JAZF1: variants seen among roughly 807,000 people sequenced by gnomAD.
The protein encoded by JAZF1 is juxtaposed with another zinc finger protein 1.
A neutral mutation model predicts 26.4 loss-of-function variants in JAZF1; 8 were observed. The observed-to-expected ratio is 0.30, with a 90% CI of 0.18 to 0.55. JAZF1 has a LOEUF of 0.55. JAZF1 is among the 20% of genes least tolerant of loss of function. JAZF1 has a pLI of 0.94. For missense variants in JAZF1, 199 were observed against 322.0 expected (o/e 0.62, Z 2.92); for synonymous variants, 126 against 122.3 (o/e 1.03, Z -0.20).
chr7:28,143,111 G>A (rs1224773835), intron 1 of JAZF1, among the ~76,000 whole-genome samples: 1 of 152,086 alleles, frequency 6.6e-6, no homozygotes, highest in Non-Finnish European at 1.5e-5. Context: ...AACCCTCTGG[G>A]TCTAGTCTCA....
intron 2 of JAZF1, among the ~76,000 whole-genome samples, chr7:27,908,961 A>G (rs1347522254): frequency 6.6e-6 from 1 of 152,140 alleles, no homozygotes; most frequent in East Asian, 1.9e-4. Flanking sequence ...GAATATGTTC[A>G]GGTATTATTA....
chr7:27,873,424 T>C (rs1260988138), intron 3 of JAZF1, among the ~76,000 whole-genome samples: 6 of 152,184 alleles, frequency 3.9e-5, no homozygotes, highest in African/African-American at 1.4e-4. Context: ...GGTCCTTATA[T>C]CTATGCATAT....
chr7:28,040,928 T>G (rs928737575), intron 1 of JAZF1, among the ~76,000 whole-genome samples: 2 of 152,098 alleles, frequency 1.3e-5, no homozygotes, highest in Admixed American at 6.6e-5. Context: ...AAATTCAACA[T>G]AGCAGACACT....
intron 4 of JAZF1, among the ~76,000 whole-genome samples, chr7:27,835,227 C>T (rs557610638): frequency 1.3e-3 from 200 of 152,248 alleles, no homozygotes; most frequent in African/African-American, 4.2e-3. Context: ...CAAAAAGGCA[C>T]AGCAACTCTT....
chr7:27,930,639 T>C (rs1188292032), intron 2 of JAZF1, among the ~76,000 whole-genome samples: 1 of 152,210 alleles, frequency 6.6e-6, no homozygotes, highest in Non-Finnish European at 1.5e-5. Flanking sequence ...AAGACTAAAC[T>C]TTTCTTCATG....
intron 1 of JAZF1, among the ~76,000 whole-genome samples, chr7:28,178,627 T>C (rs1401092014): frequency 2.0e-5 from 3 of 152,212 alleles, no homozygotes; most frequent in Non-Finnish European, 2.9e-5. Context: ...AACTTCACAG[T>C]ACCGGTGTTT....
chr7:28,076,845 G>T (rs1050862289), intron 1 of JAZF1, among the ~76,000 whole-genome samples: 9 of 152,016 alleles, frequency 5.9e-5, no homozygotes, highest in African/African-American at 2.2e-4. Flanking sequence ...AATTTTTCCA[G>T]GTAGATCATA....
intron 3 of JAZF1, among the ~76,000 whole-genome samples, chr7:27,891,181 C>T (rs1051144785): frequency 5.3e-5 from 8 of 152,152 alleles, no homozygotes; most frequent in Admixed American, 2.6e-4. Context: ...AATTCCATTT[C>T]TCTATTATGT....
intron 2 of JAZF1, among the ~76,000 whole-genome samples, chr7:27,925,249 C>A (rs927795701): frequency 6.6e-6 from 1 of 152,104 alleles, no homozygotes; most frequent in African/African-American, 2.4e-5. Context: ...CAAAAACTTA[C>A]CCAAAACAAA....
intron 2 of JAZF1, among the ~76,000 whole-genome samples, chr7:27,919,971 G>T (rs1366187909): frequency 6.6e-6 from 1 of 152,098 alleles, no homozygotes; most frequent in Non-Finnish European, 1.5e-5. Context: ...CTCCTTCATT[G>T]CTACCCTTAG....
At chr7:28,073,118 A>C (rs1202221371) in intron 1 of JAZF1, among the ~76,000 whole-genome samples, 1 of 152,192 alleles carries the variant, frequency 6.6e-6, no homozygotes, top group Non-Finnish European at 1.5e-5. Flanking sequence ...AAAACACAAC[A>C]CTATCGTCTT....
intron 2 of JAZF1, among the ~76,000 whole-genome samples, chr7:27,921,540 C>T (rs1247896624): frequency 1.3e-5 from 2 of 152,098 alleles, no homozygotes; most frequent in African/African-American, 4.8e-5. Context: ...AGACTGGCAT[C>T]GATTCTTCCA....
At chr7:28,021,588 G>A (rs560342025) in intron 1 of JAZF1, among the ~76,000 whole-genome samples, 1 of 152,312 alleles carries the variant, frequency 6.6e-6, no homozygotes, top group Middle Eastern at 3.4e-3. Flanking sequence ...TCAGGGGCAG[G>A]TGAAGACAGT....
chr7:27,831,908 G>GAT lies in JAZF1; in HGVS notation c.*890_*891dup, dbSNP rs929470024. 1.8e-5 allele frequency: 4 copies of GAT among 218,704 alleles called. No homozygotes were observed. Among genetic ancestry groups the GAT allele is most frequent in the Non-Finnish European group, 3.7e-5 (4 of 108,750 alleles). The allele number at this position is 218,704 out of a possible 1,614,324, so 13.5% of individuals were successfully genotyped here. A position where few individuals can be genotyped will look rare whatever the true frequency, so the allele number is the denominator to read the frequency against. The stretch of plus-strand genomic sequence containing the variant: ...CTTTAAAACTTCATCTGAAGATGAA[G>GAT]ATATAACTAAACTTCACACACACAC... On this transcript the variant is annotated 3_prime_UTR_variant, in exon 5 of 5. Coordinates refer to ENST00000283928, the MANE Select transcript of JAZF1 (RefSeq NM_175061.4).
chr7:27,852,907 C>T (rs1342646988), intron 3 of JAZF1, among the ~76,000 whole-genome samples: 1 of 152,118 alleles, frequency 6.6e-6, no homozygotes, highest in Non-Finnish European at 1.5e-5. Context: ...CATTAGGTGG[C>T]CTCCTGGCTC....
intron 1 of JAZF1, among the ~76,000 whole-genome samples, chr7:28,064,647 G>C (rs1227959966): frequency 1.3e-5 from 2 of 152,112 alleles, no homozygotes; most frequent in African/African-American, 4.8e-5. Context: ...CAAAATATCA[G>C]GAATGTGGGA....
intron 3 of JAZF1, among the ~76,000 whole-genome samples, chr7:27,868,715 A>G (rs1249136575): frequency 6.6e-6 from 1 of 152,218 alleles, no homozygotes; most frequent in Non-Finnish European, 1.5e-5. Context: ...CATGGTACCC[A>G]AGTCAAACTG....
intron 1 of JAZF1, among the ~76,000 whole-genome samples, chr7:28,054,694 T>C (rs1448928144): frequency 1.3e-5 from 2 of 152,092 alleles, no homozygotes; most frequent in African/African-American, 2.4e-5. Context: ...TTAGGGTAAA[T>C]GTGCCTCGTG....
intron 2 of JAZF1, among the ~76,000 whole-genome samples, chr7:27,910,997 T>TA (rs1308236510): frequency 2.6e-5 from 4 of 152,148 alleles, no homozygotes; most frequent in Admixed American, 6.5e-5. Context: ...ATACCCTAAC[T>TA]AAAATAATTC....
Sources: allele counts gnomAD v4.1 joint callset (sites outside exome capture counted in the v4.1 genomes callset), GRCh38; gene constraint gnomAD v4.1.1; transcripts MANE v1.5; gene names NCBI Gene and HGNC (gene_info 2026-07-23, HGNC 2026-07-21).